The following NHSL3 variants were observed in gnomAD, a reference collection of about 807,000 sequenced individuals.
NHSL3 encodes the protein NHS-like protein 3.
the NHSL3 span, chr1:32,772,857 T>C: frequency 6.2e-7 from 1 of 1,613,750 alleles, no homozygotes; most frequent in East Asian, 2.2e-5. Context: ...CTTATTTTTC[T>C]CCCCCAGACT....
the NHSL3 span, among the ~76,000 whole-genome samples, chr1:32,756,172 A>G: frequency 6.6e-6 from 1 of 152,240 alleles, no homozygotes; most frequent in Non-Finnish European, 1.5e-5. Flanking sequence ...GTGAGGGGCT[A>G]GGAAATATTC....
At chr1:32,772,363 A>C in the NHSL3 span, 3 of 1,592,804 alleles carry the variant, frequency 1.9e-6, no homozygotes. Context: ...CCAGGACAGG[A>C]CTAAGAGGGA....
At chr1:32,764,475 T>C in the NHSL3 span, among the ~76,000 whole-genome samples, 1 of 151,796 alleles carries the variant, frequency 6.6e-6, no homozygotes, top group Non-Finnish European at 1.5e-5. Flanking sequence ...TTTTTTCTTT[T>C]TTTTTTTTTT....
At chr1:32,745,427 G>T in the NHSL3 span, among the ~76,000 whole-genome samples, 46 of 151,866 alleles carry the variant, frequency 3.0e-4, no homozygotes, top group African/African-American at 1.1e-3. Flanking sequence ...GCGTGGTGGC[G>T]CGTGCCTGTA....
the NHSL3 span, among the ~76,000 whole-genome samples, chr1:32,743,667 G>A: frequency 1.3e-5 from 2 of 152,338 alleles, no homozygotes; most frequent in East Asian, 3.9e-4. Context: ...CAGGGCAATG[G>A]ACCTTTTTCC....
the NHSL3 span, chr1:32,771,832 C>T: frequency 6.2e-7 from 1 of 1,610,660 alleles, no homozygotes; most frequent in Non-Finnish European, 8.5e-7. Flanking sequence ...CTCGCTCCTG[C>T]AGATGGTGCG....
chr1:32,771,700 G>C, the NHSL3 span: 1 of 1,612,288 alleles, frequency 6.2e-7, no homozygotes, highest in Middle Eastern at 1.7e-4. Context: ...AGCTCCGCCA[G>C]CCCCAGCTCC....
the NHSL3 span, among the ~76,000 whole-genome samples, chr1:32,743,730 C>T: frequency 6.6e-6 from 1 of 152,240 alleles, no homozygotes; most frequent in East Asian, 1.9e-4. Context: ...GCCTGTAGGT[C>T]ACTGCTCCAA....
chr1:32,753,516 A>T, the NHSL3 span, among the ~76,000 whole-genome samples: 1 of 152,090 alleles, frequency 6.6e-6, no homozygotes, highest in African/African-American at 2.4e-5. Context: ...AAAAGGACCT[A>T]CCTTACACAA....
the NHSL3 span, chr1:32,774,920 T>G: frequency 6.6e-6 from 1 of 152,546 alleles, no homozygotes; most frequent in Admixed American, 6.5e-5. Flanking sequence ...GTGAGACACA[T>G]GAAGAAAACT....
the NHSL3 span, among the ~76,000 whole-genome samples, chr1:32,757,130 C>T: frequency 2.4e-4 from 37 of 152,328 alleles, no homozygotes; most frequent in African/African-American, 8.7e-4. Context: ...TCTGCTGTGA[C>T]AAGCCCAGAT....
the NHSL3 span, chr1:32,754,040 C>T: frequency 5.2e-6 from 3 of 576,088 alleles, no homozygotes; most frequent in East Asian, 3.5e-5. Flanking sequence ...GCCCGGCGGC[C>T]GGGCTGGCTG....
the NHSL3 span, chr1:32,771,142 G>A: frequency 1.2e-6 from 2 of 1,612,450 alleles, no homozygotes; most frequent in Non-Finnish European, 1.7e-6. Flanking sequence ...GACCCCCCTG[G>A]GTGACAGGTT....
the NHSL3 span, among the ~76,000 whole-genome samples, chr1:32,763,414 A>C: frequency 6.6e-6 from 1 of 151,942 alleles, no homozygotes; most frequent in African/African-American, 2.4e-5. Flanking sequence ...CTCCAGCCAT[A>C]CTGGCCTCCT....
At chr1:32,761,776 G>A in the NHSL3 span, among the ~76,000 whole-genome samples, 2 of 152,120 alleles carry the variant, frequency 1.3e-5, no homozygotes, top group African/African-American at 4.8e-5. Context: ...TCGGTCTACT[G>A]GTCTTTTCTG....
At chr1:32,772,327 C>T in the NHSL3 span, 16 of 1,601,838 alleles carry the variant, frequency 1.0e-5, no homozygotes, top group Admixed American at 8.4e-5. Context: ...CCTTACTGCT[C>T]CTCCCACCAA....
At chr1:32,769,556 T>C in the NHSL3 span, 1 of 818,762 alleles carries the variant, frequency 1.2e-6, no homozygotes, top group Non-Finnish European at 2.1e-6. Context: ...GCCTTGCCCA[T>C]ACCTACTTGA....
At chr1:32,760,209 G>A in the NHSL3 span, among the ~76,000 whole-genome samples, 4 of 152,152 alleles carry the variant, frequency 2.6e-5, no homozygotes, top group Non-Finnish European at 4.4e-5. Context: ...GCTTCAGAGG[G>A]TTCGGCCTCC....
the NHSL3 span, chr1:32,771,540 C>A: frequency 6.2e-7 from 1 of 1,600,968 alleles, no homozygotes; most frequent in East Asian, 2.2e-5. Flanking sequence ...TGGCTGACTT[C>A]CCCCCACCAG....
Sources: allele counts gnomAD v4.1 joint callset (sites outside exome capture counted in the v4.1 genomes callset), GRCh38; gene constraint gnomAD v4.1.1; transcripts MANE v1.5; gene names NCBI Gene and HGNC (gene_info 2026-07-23, HGNC 2026-07-21).